Variants in FAF1 observed in about 807,000 individuals in gnomAD.
FAF1 encodes FAS-associated factor 1.
In FAF1, 25 loss-of-function variants were observed where a neutral mutation model predicts 92.5. The observed-to-expected ratio is 0.27, with a 90% confidence interval of 0.20 to 0.38. The LOEUF (loss-of-function observed/expected upper bound fraction) is 0.38, where lower values mean the gene tolerates loss of function less well. Among genes scored for constraint, FAF1 ranks in the 10% least tolerant of loss-of-function variants. FAF1 has a pLI of 1.00. For synonymous variants in FAF1, 234 were observed against 273.2 expected (o/e 0.86, Z 1.42); for missense variants, 636 against 793.3 (o/e 0.80, Z 2.38).
rs568855701 is a variant in FAF1 at position 50,477,525 on chromosome 1, T to C, written c.1654-1846A>G. Among the ~76,000 whole-genome samples, 7 of 152,306 alleles carry C rather than the reference T, an allele frequency of 4.6e-5. No individual in the cohort carries two copies. In the South Asian group the frequency reaches 8.3e-4, roughly 18 times the overall value. Reference sequence around the variant, plus strand: ...CAGTCACTTTTGCCCTTTTTTCTGATAGCATGAGTAGCAGTTTACCTGATA... The same window carrying C: ...CAGTCACTTTTGCCCTTTTTTCTGACAGCATGAGTAGCAGTTTACCTGATA... On this transcript the variant is annotated intron_variant, in intron 17 of 18. Coordinates refer to ENST00000396153, the MANE Select transcript of FAF1 (RefSeq NM_007051.3).
chr1:50,781,648 A>T (rs1283605062), intron 4 of FAF1, among the ~76,000 whole-genome samples: 1 of 152,192 alleles, frequency 6.6e-6, no homozygotes, highest in African/African-American at 2.4e-5. Context: ...AATGCTATCA[A>T]CCAAACAGAT....
At chr1:50,629,542 A>C (rs1653666755) in intron 8 of FAF1, among the ~76,000 whole-genome samples, 1 of 152,188 alleles carries the variant, frequency 6.6e-6, no homozygotes, top group African/African-American at 2.4e-5. Flanking sequence ...GCTAGGAAAG[A>C]AAGGATAAGA....
At chr1:50,859,177 G>A (rs1187655045) in intron 1 of FAF1, among the ~76,000 whole-genome samples, 2 of 151,870 alleles carry the variant, frequency 1.3e-5, no homozygotes, top group South Asian at 2.1e-4. Flanking sequence ...CCAAAAACTG[G>A]AAGCATTCCT....
At chr1:50,563,636 T>C (rs1370834606) in intron 13 of FAF1, among the ~76,000 whole-genome samples, 1 of 152,228 alleles carries the variant, frequency 6.6e-6, no homozygotes, top group Non-Finnish European at 1.5e-5. Flanking sequence ...TACATTCATT[T>C]GCTAAATGCT....
intron 3 of FAF1, among the ~76,000 whole-genome samples, chr1:50,790,308 A>G (rs956375381): frequency 1.1e-4 from 17 of 151,924 alleles, no homozygotes; most frequent in African/African-American, 4.1e-4. Context: ...CGCCTGGCTA[A>G]TTTTTGTATT....
At chr1:50,707,496 C>T (rs1429783651) in intron 6 of FAF1, among the ~76,000 whole-genome samples, 1 of 151,914 alleles carries the variant, frequency 6.6e-6, no homozygotes, top group Non-Finnish European at 1.5e-5. Flanking sequence ...CTCAGGAGTT[C>T]GAGACCACCC....
intron 17 of FAF1, among the ~76,000 whole-genome samples, chr1:50,484,330 A>G (rs1646736515): frequency 3.3e-5 from 5 of 152,186 alleles, no homozygotes; most frequent in African/African-American, 1.2e-4. Flanking sequence ...GATATAAAGA[A>G]CAGTCTGTAG....
chr1:50,458,535 G>A (rs961707786), intron 18 of FAF1, among the ~76,000 whole-genome samples: 1 of 152,110 alleles, frequency 6.6e-6, no homozygotes, highest in Non-Finnish European at 1.5e-5. Context: ...AAGCGGTAAG[G>A]GCAAAATTTT....
Position 50,788,217 on chromosome 1 carries a change from A to T in FAF1, c.162-12T>A. ...CACCTCCATATTCACTAAAATGTTG[A>T]CATAAAAGAAGGATTATTGTCAACT... On this transcript the variant is annotated splice_polypyrimidine_tract_variant and intron_variant, in intron 3 of 18. Transcript: ENST00000396153. 6.2e-7 allele frequency: 1 copy of T among 1,606,586 alleles called. No individual in the cohort carries two copies. The highest frequency in any genetic ancestry group is 8.5e-7 in the Non-Finnish European group (1 of 1,173,202).
intron 4 of FAF1, among the ~76,000 whole-genome samples, chr1:50,776,548 A>G (rs1439477812): frequency 1.3e-5 from 2 of 152,180 alleles, no homozygotes; most frequent in South Asian, 2.1e-4. Context: ...AAAAATACTT[A>G]ATAGTCCATC....
chr1:50,521,521 AT>A (rs1162560748), intron 15 of FAF1, among the ~76,000 whole-genome samples: 1 of 152,218 alleles, frequency 6.6e-6, no homozygotes, highest in Non-Finnish European at 1.5e-5. Flanking sequence ...GAAGGTTTCA[AT>A]TTTTATTTGG....
intron 18 of FAF1, among the ~76,000 whole-genome samples, chr1:50,446,117 T>G (rs946137630): frequency 6.6e-6 from 1 of 152,192 alleles, no homozygotes; most frequent in Non-Finnish European, 1.5e-5. Context: ...GGGAAGCTCC[T>G]TAAATGCCAA....
intron 9 of FAF1, among the ~76,000 whole-genome samples, chr1:50,595,146 T>G (rs2124077669): frequency 6.6e-6 from 1 of 151,854 alleles, no homozygotes; most frequent in East Asian, 2.0e-4. Flanking sequence ...CCTCCACCTC[T>G]TGGGTTCAAG....
At chr1:50,860,552 C>T (rs1053197816) in intron 1 of FAF1, among the ~76,000 whole-genome samples, 6 of 151,728 alleles carry the variant, frequency 4.0e-5, no homozygotes, top group Admixed American at 2.0e-4. Context: ...AATGACATAC[C>T]ATCTCACACC....
intron 2 of FAF1, among the ~76,000 whole-genome samples, chr1:50,835,570 C>CAA (rs573942977): frequency 0.017 from 932 of 53,972 alleles, 26 homozygotes; most frequent in African/African-American, 0.044. Flanking sequence ...GACTCCATCT[C>CAA]AAAAAAAAAA....
intron 1 of FAF1, among the ~76,000 whole-genome samples, chr1:50,881,220 T>C (rs1644609369): frequency 6.6e-6 from 1 of 152,188 alleles, no homozygotes; most frequent in Non-Finnish European, 1.5e-5. Flanking sequence ...TCTTTTTTGG[T>C]TAGTTTTTGA....
intron 15 of FAF1, among the ~76,000 whole-genome samples, chr1:50,519,682 T>A (rs1647404979): frequency 6.6e-6 from 1 of 152,164 alleles, no homozygotes; most frequent in Non-Finnish European, 1.5e-5. Context: ...GAAATTAGAA[T>A]CTTTCTGCCT....
At chr1:50,835,033 T>A (rs1316786850) in intron 2 of FAF1, among the ~76,000 whole-genome samples, 1 of 152,184 alleles carries the variant, frequency 6.6e-6, no homozygotes, top group African/African-American at 2.4e-5. Flanking sequence ...CAAGCAGTTA[T>A]GACAGACTAA....
rs557963640 is a variant in FAF1 at position 50,627,082 on chromosome 1, T to C, written c.744+28360A>G. On this transcript the variant is annotated intron_variant, in intron 8 of 18. Coordinates refer to ENST00000396153, the MANE Select transcript of FAF1 (RefSeq NM_007051.3). ...TTGGATATGGTAAATTTTAGTTCCT[T>C]TGGGACCTCTAAGTGAAGATGATAA... Among the ~76,000 whole-genome samples, 5 of 152,204 alleles carry C rather than the reference T, an allele frequency of 3.3e-5. No homozygotes were observed. The East Asian group carries it at 9.6e-4, about 29-fold the overall frequency.
Sources: gnomAD v4.1 joint callset for allele counts (sites outside exome capture counted in the v4.1 genomes callset) on GRCh38, gnomAD v4.1.1 for gene constraint, MANE v1.5 for transcripts, NCBI Gene and HGNC (gene_info 2026-07-23, HGNC 2026-07-21) for gene names.